COL22A1: variants seen among roughly 807,000 people sequenced by gnomAD.
COL22A1 encodes collagen type XXII alpha 1 chain.
Under a neutral mutation model 248.9 loss-of-function variants are expected in COL22A1, and 221 were observed. The ratio of observed to expected loss-of-function variants is 0.89; its 90% CI spans 0.80 to 0.99. COL22A1 has a LOEUF of 0.99. COL22A1 is among the 50% of genes least tolerant of loss of function. The pLI is 0.00. For synonymous variants in COL22A1, 891 were observed against 793.4 expected, an observed-to-expected ratio of 1.12 and a Z score of -2.07; for missense variants, 2,240 against 2,179.0, an observed-to-expected ratio of 1.03 and a Z score of -0.56.
chr8:138,873,169 A>G (rs1270328292), intron 3 of COL22A1, among the ~76,000 whole-genome samples: 1 of 152,170 alleles, frequency 6.6e-6, no homozygotes, highest in Admixed American at 6.5e-5. Context: ...CTCAGCCCCT[A>G]TGTGCCTCTG....
At chr8:138,658,767 CA>C (rs1564154899) in intron 44 of COL22A1, among the ~76,000 whole-genome samples, 2 of 152,150 alleles carry the variant, frequency 1.3e-5, no homozygotes, top group African/African-American at 4.8e-5. Context: ...ATCCCTGAGA[CA>C]ACCATGCCTT....
At chr8:138,819,117 A>G (rs1248309031) in intron 7 of COL22A1, among the ~76,000 whole-genome samples, 1 of 152,174 alleles carries the variant, frequency 6.6e-6, no homozygotes, top group East Asian at 1.9e-4. Flanking sequence ...GTTTTTGATG[A>G]TTTATCATTC....
chr8:138,643,667 C>T (rs200905078), intron 47 of COL22A1, among the ~76,000 whole-genome samples: 44 of 85,768 alleles, frequency 5.1e-4, no homozygotes, highest in South Asian at 3.3e-3. Flanking sequence ...GATAGATAGA[C>T]AGATAGATTG....
In COL22A1 at chr8:138,762,590, A is replaced by ACG. The variant is rs1833579355; in HGVS notation, c.1804-125_1804-124insCG. On this transcript the variant is annotated intron_variant, in intron 16 of 64. Transcript: ENST00000303045. ...GGGAAAAGGTGCCAAACGCACGTGC[A>ACG]CACACACACACACACACACAACAGC... 6.2e-6 allele frequency: 3 copies of ACG among 486,694 alleles called. No homozygotes were observed. The Admixed American group carries it at 9.8e-5, about 16-fold the overall frequency. The allele number at this position is 486,694 out of a possible 1,614,324, so 30.1% of individuals were successfully genotyped here. A position where few individuals can be genotyped will look rare whatever the true frequency, so the allele number is the denominator to read the frequency against.
rs572163195 is a variant in COL22A1 at position 138,767,046 on chromosome 8, C to T, written c.1804-4580G>A. Among the ~76,000 whole-genome samples the T allele has an allele frequency of 3.3e-5, 5 of 152,352 alleles. No individual in the cohort carries two copies. In the East Asian group the frequency reaches 7.7e-4, roughly 24 times the overall value. On this transcript the variant is annotated intron_variant, in intron 16 of 64. Transcript: ENST00000303045. ...TCAGATCCAAACCCTGGCTCTCCCA[C>T]GCTCCAGCTGTGTGACCTTGGACCA...
intron 49 of COL22A1, among the ~76,000 whole-genome samples, chr8:138,633,880 A>C (rs533954930): frequency 6.6e-6 from 1 of 152,342 alleles, no homozygotes; most frequent in East Asian, 1.9e-4. Flanking sequence ...AAATGTGCAC[A>C]TGGCAGAGTT....
chr8:138,602,405 C>T (rs1170598937), intron 59 of COL22A1, among the ~76,000 whole-genome samples: 3 of 152,188 alleles, frequency 2.0e-5, no homozygotes, highest in African/African-American at 7.2e-5. Flanking sequence ...GTTGGCCCCT[C>T]CAGATTCCTC....
chr8:138,812,939 C>T lies in COL22A1; in HGVS notation c.1326G>A (p.Pro442=), dbSNP rs375684016. The change falls in exon 8 of 65, where the codon CCG becomes CCA. Residue 442 remains proline, a splice_region_variant and synonymous_variant. Coordinates refer to ENST00000303045, the MANE Select transcript of COL22A1 (RefSeq NM_152888.3). Reference sequence around the variant, plus strand: ...CCTCTCTGTGCGAGAGTCTGCTCACCGGACCCGAGGGGATATCACAACAAG... The same window carrying T: ...CCTCTCTGTGCGAGAGTCTGCTCACTGGACCCGAGGGGATATCACAACAAG... ...LETCCDIPSG[P]CQVTVVTEPP... is the part of the protein sequence containing the mutation. The T allele has an allele frequency of 2.2e-5, 35 of 1,611,582 alleles. No individual in the cohort carries two copies. Among genetic ancestry groups the T allele is most frequent in the East Asian group, 6.7e-5 (3 of 44,868 alleles).
At chr8:138,779,635 C>A in intron 13 of COL22A1, 73 bp from the exon 14 acceptor site, 1 of 984,496 alleles carries the variant, frequency 1.0e-6, no homozygotes, top group Admixed American at 1.7e-5. Flanking sequence ...AGCCCACAGT[C>A]TCCCAGGGCC....
intron 50 of COL22A1, among the ~76,000 whole-genome samples, chr8:138,627,885 G>A (rs1164703181): frequency 6.6e-6 from 1 of 152,050 alleles, no homozygotes; most frequent in Non-Finnish European, 1.5e-5. Flanking sequence ...AAATTTAGGT[G>A]GAAAAAAATA....
rs191776757 is a variant in COL22A1, at chr8:138,771,427, C to T, written c.1803+4539G>A. Among the ~76,000 whole-genome samples, 564 of 152,306 alleles carry T rather than the reference C, an allele frequency of 3.7e-3. 3 individuals carry two copies. The highest frequency in any genetic ancestry group is 0.013 in the African/African-American group (528 of 41,562). ...GGCATCAGGAAACACATGGCCTCTG[C>T]GCTCAGTTTCCCCCGCTTCACAATC... On this transcript the variant is annotated intron_variant, in intron 16 of 64. Coordinates refer to ENST00000303045, the MANE Select transcript of COL22A1 (RefSeq NM_152888.3).
At chr8:138,702,841 A>T (rs1392555651) in intron 31 of COL22A1, among the ~76,000 whole-genome samples, 1 of 152,170 alleles carries the variant, frequency 6.6e-6, no homozygotes, top group African/African-American at 2.4e-5. Flanking sequence ...AACTATGACC[A>T]CAATGCTGGT....
intron 27 of COL22A1, among the ~76,000 whole-genome samples, chr8:138,717,183 A>C (rs1431126860): frequency 6.6e-6 from 1 of 151,836 alleles, no homozygotes; most frequent in Non-Finnish European, 1.5e-5. Flanking sequence ...AGTCTCACTC[A>C]GTCACTCAGG....
At position 138,657,928 on chromosome 8, in the gene COL22A1, G is replaced by A. The variant is rs147600261; in HGVS notation, c.3286-1984C>T. ...AGAGTTCCATGTGGGATCAGGCAGG[G>A]AATAGACTTGACTTGAACACACATT... On this transcript the variant is annotated intron_variant, in intron 44 of 64. Coordinates refer to ENST00000303045, the MANE Select transcript of COL22A1 (RefSeq NM_152888.3). Among the ~76,000 whole-genome samples, 40 of 152,134 alleles carry A rather than the reference G, an allele frequency of 2.6e-4. No homozygotes were observed. The East Asian group carries it at 6.8e-3, about 26-fold the overall frequency.
At chr8:138,766,579 CAGAT>C (rs1045890912) in intron 16 of COL22A1, among the ~76,000 whole-genome samples, 8 of 151,962 alleles carry the variant, frequency 5.3e-5, no homozygotes, top group South Asian at 2.1e-4. Flanking sequence ...AGACAGAAGA[CAGAT>C]AGACAGGAGA....
rs534971491 is a variant in COL22A1, at chr8:138,653,157, A to G, written c.3333+2740T>C. On this transcript the variant is annotated intron_variant, in intron 45 of 64. Coordinates refer to ENST00000303045, the MANE Select transcript of COL22A1 (RefSeq NM_152888.3). Reference sequence around the variant, plus strand: ...ACTCAACAAAATGCTTACTACATGGAGAAAATAACAGTCATTGCTTCCCAG... The same window carrying G: ...ACTCAACAAAATGCTTACTACATGGGGAAAATAACAGTCATTGCTTCCCAG... Among the ~76,000 whole-genome samples the G allele has an allele frequency of 4.6e-5, 7 of 152,308 alleles. No individual in the cohort carries two copies. In the East Asian group the frequency reaches 1.3e-3, roughly 29 times the overall value.
Position 138,883,086 on chromosome 8 carries a change from C to T in COL22A1, c.87G>A (p.Arg29=). ...WSGGGGCQAQ[R]AGCKSVHYDL... ...CACAGCCCACGGTGGCCCCACCTGCCCGCTGAGCCTGGCAGCCGCCGCCCC... is the reference window on the plus strand; with the variant it reads ...CACAGCCCACGGTGGCCCCACCTGCTCGCTGAGCCTGGCAGCCGCCGCCCC... Residue 29 remains arginine (R), a synonymous_variant, in exon 2 of 65, where the codon CGG becomes CGA. Transcript: ENST00000303045. 1 of 1,580,998 alleles carries T rather than the reference C, an allele frequency of 6.3e-7. No individual in the cohort carries two copies. The highest frequency in any genetic ancestry group is 8.6e-7 in the Non-Finnish European group (1 of 1,165,432).
intron 44 of COL22A1, among the ~76,000 whole-genome samples, chr8:138,658,853 G>C (rs1279060281): frequency 7.2e-6 from 1 of 138,246 alleles, no homozygotes; most frequent in Non-Finnish European, 1.5e-5. Flanking sequence ...AGTATGTTCA[G>C]TTAATCTAAC....
rs774441171 is a variant in COL22A1 at position 138,877,793 on chromosome 8, G to A, written c.615C>T (p.Ala205=). The A allele has an allele frequency of 6.2e-7, 1 of 1,607,366 alleles. No individual in the cohort carries two copies. The highest frequency in any genetic ancestry group is 1.7e-5 in the Admixed American group (1 of 59,002). Residue 205 remains alanine, a synonymous_variant, in exon 3 of 65, where the codon GCC becomes GCT. Coordinates refer to ENST00000303045, the MANE Select transcript of COL22A1 (RefSeq NM_152888.3). ...AHVFHVSDFN[A]IDKIRGKLRR... Reference sequence around the variant, plus strand: ...GCAGCTTGCCCCGGATCTTGTCGATGGCATTGAAGTCGGACACGTGGAAGA... The same window carrying A: ...GCAGCTTGCCCCGGATCTTGTCGATAGCATTGAAGTCGGACACGTGGAAGA...
Sources: allele counts gnomAD v4.1 joint callset (sites outside exome capture counted in the v4.1 genomes callset), GRCh38; gene constraint gnomAD v4.1.1; transcripts MANE v1.5; gene names NCBI Gene and HGNC (gene_info 2026-07-23, HGNC 2026-07-21).